The following DIXDC1 variants were observed in gnomAD, a reference collection of about 807,000 sequenced individuals.
DIXDC1 encodes the protein DIX domain containing 1, also known as dixin.
A neutral mutation model predicts 103.1 loss-of-function variants in DIXDC1; 64 were observed. That is an observed-to-expected ratio of 0.62 (90% CI 0.51 to 0.76). DIXDC1 has a LOEUF of 0.76. Ranked by LOEUF, DIXDC1 falls within the 30% of genes least tolerant of loss-of-function variation. The pLI is 0.00. For missense variants in DIXDC1, 759 were observed against 834.2 expected, an observed-to-expected ratio of 0.91 and a Z score of 1.11; for synonymous variants, 266 against 298.5, an observed-to-expected ratio of 0.89 and a Z score of 1.12.
chr11:111,974,339 G>A (rs587757444), intron 4 of DIXDC1, 85 bp downstream of exon 4: 157 of 1,339,134 alleles, frequency 1.2e-4, no homozygotes, highest in Non-Finnish European at 1.2e-4. Flanking sequence ...AGATAGAAAC[G>A]TCACCCAAAC....
At chr11:111,941,328 G>C (rs1966408203) in intron 1 of DIXDC1, among the ~76,000 whole-genome samples, 1 of 152,180 alleles carries the variant, frequency 6.6e-6, no homozygotes, top group Non-Finnish European at 1.5e-5. Flanking sequence ...AGGCCCAGCT[G>C]TGGTGTGCAT....
rs1056987580 is a variant in DIXDC1 at position 111,998,671 on chromosome 11, T to A, written c.1756+2525T>A. 2.0e-5 allele frequency among the ~76,000 whole-genome samples: 3 copies of A among 151,978 alleles called. No homozygotes were observed. The highest frequency in any genetic ancestry group is 3.9e-4 in the East Asian group (2 of 5,176). ...TGATTCTCCTGCCTCAGCCTCCTGA[T>A]TACAGGCGCCCGCCACCACGCCCGG... On this transcript the variant is annotated intron_variant, in intron 17 of 19. Transcript: ENST00000440460. The surrounding 1 kb of genome is among the most constrained non-coding windows in gnomAD (Gnocchi z 4.1).
intron 8 of DIXDC1, among the ~76,000 whole-genome samples, chr11:111,986,018 A>G (rs1164449635): frequency 6.6e-6 from 1 of 152,094 alleles, no homozygotes; most frequent in Non-Finnish European, 1.5e-5. Context: ...TCAGTCACCA[A>G]GTTTTACCAG....
At chr11:111,953,859 C>T (rs138272973) in intron 1 of DIXDC1, among the ~76,000 whole-genome samples, 23 of 152,238 alleles carry the variant, frequency 1.5e-4, no homozygotes, top group Non-Finnish European at 1.6e-4. Flanking sequence ...TCTATCCATG[C>T]GTTCTGTATC....
chr11:111,977,328 G>A lies in DIXDC1; in HGVS notation c.656+2345G>A. The A allele has an allele frequency of 3.8e-6, 4 of 1,058,500 alleles. No individual in the cohort carries two copies. The highest frequency in any genetic ancestry group is 4.6e-6 in the Non-Finnish European group (4 of 876,072). The allele number at this position is 1,058,500 out of a possible 1,614,324, so 65.6% of individuals were successfully genotyped here. On this transcript the variant is annotated intron_variant, in intron 5 of 19. Transcript: ENST00000440460. The surrounding 1 kb of genome is among the most constrained non-coding windows in gnomAD (Gnocchi z 6.1). The stretch of plus-strand genomic sequence containing the variant: ...GGAGGGATCCGGAAGGTGGCACGGA[G>A]TGGGATCGCCGCTGGGGACTCGAGG...
intron 1 of DIXDC1, among the ~76,000 whole-genome samples, chr11:111,943,327 A>G (rs1354787746): frequency 6.6e-6 from 1 of 151,734 alleles, no homozygotes; most frequent in Non-Finnish European, 1.5e-5. Context: ...TAGTTTTAGT[A>G]GAGACAGGGT....
At chr11:111,969,516 C>G (rs1859842813) in intron 3 of DIXDC1, among the ~76,000 whole-genome samples, 1 of 152,124 alleles carries the variant, frequency 6.6e-6, no homozygotes. Flanking sequence ...TGCATCTGCC[C>G]TCTTCTGTAG....
chr11:111,969,020 C>T (rs185357007), intron 3 of DIXDC1, among the ~76,000 whole-genome samples: 7 of 152,074 alleles, frequency 4.6e-5, no homozygotes, highest in Non-Finnish European at 8.8e-5. Flanking sequence ...GTGATCTACC[C>T]GCCTCGCCTT....
At chr11:112,013,067 G>T (rs1350919432) in intron 17 of DIXDC1, among the ~76,000 whole-genome samples, 1 of 152,126 alleles carries the variant, frequency 6.6e-6, no homozygotes, top group Non-Finnish European at 1.5e-5. Flanking sequence ...GAGGCTAGAA[G>T]TACAAGATCA....
At chr11:112,013,682 G>T (rs1861500106) in intron 17 of DIXDC1, among the ~76,000 whole-genome samples, 1 of 152,060 alleles carries the variant, frequency 6.6e-6, no homozygotes, top group Admixed American at 6.5e-5. Flanking sequence ...CTTTCTAAAG[G>T]TCTTTCAAAT....
chr11:111,948,342 T>A lies in DIXDC1; in HGVS notation c.60+10783T>A, dbSNP rs139364164. Among the ~76,000 whole-genome samples the A allele has an allele frequency of 6.6e-3, 1,009 of 152,350 alleles. 3 individuals carry two copies. Among genetic ancestry groups the A allele is most frequent in the Non-Finnish European group, 0.011 (776 of 68,040 alleles). On this transcript the variant is annotated intron_variant, in intron 1 of 19. Coordinates refer to ENST00000440460, the MANE Select transcript of DIXDC1 (RefSeq NM_001037954.4). ...TCAAGTTCTCCTTTCCTTCCTGTCC[T>A]CTACCTTCTTAAGGCTTATCCACTG... is the stretch of plus-strand genomic sequence containing the variant.
At chr11:111,987,148 G>C (rs1860520417) in intron 9 of DIXDC1, among the ~76,000 whole-genome samples, 1 of 151,890 alleles carries the variant, frequency 6.6e-6, no homozygotes, top group South Asian at 2.1e-4. Context: ...TACTCGGGAG[G>C]CTGAGGCAGG....
At chr11:111,946,002 T>A (rs1443522818) in intron 1 of DIXDC1, among the ~76,000 whole-genome samples, 1 of 148,498 alleles carries the variant, frequency 6.7e-6, no homozygotes, top group East Asian at 2.0e-4. Context: ...AGTGGCACGA[T>A]CTTGGGTCAC....
chr11:111,982,085 G>T (rs145128834), intron 6 of DIXDC1: 2 of 303,236 alleles, frequency 6.6e-6, no homozygotes, highest in African/African-American at 2.1e-5. Context: ...CAAGGCTCCC[G>T]TGGAGGGAAT....
intron 1 of DIXDC1, among the ~76,000 whole-genome samples, chr11:111,945,479 A>C (rs1966561913): frequency 1.3e-5 from 2 of 152,134 alleles, no homozygotes; most frequent in African/African-American, 4.8e-5. Context: ...AAGAAGAGGG[A>C]ATCATTGTGG....
intron 17 of DIXDC1, among the ~76,000 whole-genome samples, chr11:112,014,429 C>T (rs1455059489): frequency 6.6e-6 from 1 of 152,134 alleles, no homozygotes; most frequent in Non-Finnish European, 1.5e-5. Flanking sequence ...ATATATGATC[C>T]CATTTCATGC....
Position 111,992,931 on chromosome 11 carries a change from A to C in DIXDC1, c.1219-20A>C, listed in dbSNP as rs587741261. ...AGCAGGCAGTACCTGCGTGCCATGA[A>C]TTCTTTCTTATTCTTGCAGGTGGAT... On this transcript the variant is annotated intron_variant, in intron 11 of 19. Coordinates refer to ENST00000440460, the MANE Select transcript of DIXDC1 (RefSeq NM_001037954.4). 2.5e-6 allele frequency: 4 copies of C among 1,600,390 alleles called. No homozygotes were observed. The South Asian group carries it at 4.5e-5, about 18-fold the overall frequency.
At position 111,937,456 on chromosome 11, in the gene DIXDC1, C is replaced by T; in HGVS notation, c.-44C>T. 6.4e-7 allele frequency: 1 copy of T among 1,553,576 alleles called. No individual in the cohort carries two copies. The highest frequency in any genetic ancestry group is 8.7e-7 in the Non-Finnish European group (1 of 1,149,282). ...AGGGAGGAGGAGGAGGCGGCGGCGG[C>T]CGCCGGGCTGGAGACCCCGCCCGGG... On this transcript the variant is annotated 5_prime_UTR_variant, in exon 1 of 20. Coordinates refer to ENST00000440460, the MANE Select transcript of DIXDC1 (RefSeq NM_001037954.4).
rs1454944090 is a variant in DIXDC1, at chr11:111,977,430, A to T, written c.656+2447A>T. On this transcript the variant is annotated intron_variant, in intron 5 of 19. Transcript: ENST00000440460. The surrounding 1 kb of genome is among the most constrained non-coding windows in gnomAD (Gnocchi z 6.1). ...GCCCCCGCCAGGGGGGATGCCCGGC[A>T]CCGTGCGTCCGCGGAGGCCAAGATG... 2.5e-6 allele frequency: 3 copies of T among 1,206,942 alleles called. No individual in the cohort carries two copies. Among genetic ancestry groups the T allele is most frequent in the Non-Finnish European group, 3.1e-6 (3 of 968,430 alleles). The allele number at this position is 1,206,942 out of a possible 1,614,324, so 74.8% of individuals were successfully genotyped here.
Sources: gnomAD v4.1 joint callset for allele counts (sites outside exome capture counted in the v4.1 genomes callset) on GRCh38, gnomAD v4.1.1 for gene constraint, Gnocchi (gnomAD v3.1) non-coding constraint, MANE v1.5 for transcripts, NCBI Gene and HGNC (gene_info 2026-07-23, HGNC 2026-07-21) for gene names.